Variants in KCNMA1 observed in about 807,000 individuals in gnomAD.
The protein encoded by KCNMA1 is potassium calcium-activated channel subfamily M alpha 1, also known as Calcium-activated potassium channel subunit alpha-1.
A neutral mutation model predicts 140.0 loss-of-function variants in KCNMA1; 29 were observed. That is an observed-to-expected ratio of 0.21 (90% CI 0.15 to 0.28). The LOEUF is 0.28. KCNMA1 is among the 10% of genes least tolerant of loss of function. KCNMA1 has a pLI of 1.00. For missense variants in KCNMA1, 880 were observed against 1,602.2 expected (o/e 0.55, Z 7.70); for synonymous variants, 612 against 611.9 (o/e 1.00, Z 0.00).
intron 14 of KCNMA1, chr10:77,063,891 T>C (rs1364067572): frequency 4.1e-6 from 4 of 985,344 alleles, no homozygotes; most frequent in Non-Finnish European, 3.6e-6. Context: ...AGACTGATGC[T>C]TGGCCAGAGG....
At chr10:77,136,527 A>G (rs1325466162) in intron 5 of KCNMA1, among the ~76,000 whole-genome samples, 1 of 152,132 alleles carries the variant, frequency 6.6e-6, no homozygotes, top group Non-Finnish European at 1.5e-5. Context: ...AAATAATTAA[A>G]ATGGTAAATT....
intron 1 of KCNMA1, among the ~76,000 whole-genome samples, chr10:77,422,338 T>G (rs767249109): frequency 6.6e-6 from 1 of 152,220 alleles, no homozygotes; most frequent in Non-Finnish European, 1.5e-5. Flanking sequence ...TTACATGCCT[T>G]ACATGTTTCT....
chr10:77,524,138 A>G (rs980073839), intron 1 of KCNMA1, among the ~76,000 whole-genome samples: 14 of 152,226 alleles, frequency 9.2e-5, no homozygotes, highest in African/African-American at 3.4e-4. Context: ...TGACTAAACA[A>G]TATTTCTCAC....
At chr10:76,970,261 C>A in intron 19 of KCNMA1, 194 bp from the exon 20 acceptor site, 3 of 571,730 alleles carry the variant, frequency 5.2e-6, no homozygotes, top group East Asian at 3.4e-5. Context: ...GGCAACACCT[C>A]TTTACACTCC....
chr10:77,439,149 A>AGAGAAGAGAAGAGAAGAGAAGAGAG (rs1555337767), intron 1 of KCNMA1, among the ~76,000 whole-genome samples: 14 of 85,272 alleles, frequency 1.6e-4, no homozygotes, highest in East Asian at 7.9e-4. Context: ...AGAGAAGAGA[A>AGAGAAGAGAAGAGAAGAGAAGAGAG]AAGAGAAGAG....
At chr10:77,535,813 C>T (rs187488101) in intron 1 of KCNMA1, among the ~76,000 whole-genome samples, 247 of 152,236 alleles carry the variant, frequency 1.6e-3, no homozygotes, top group African/African-American at 5.7e-3. Flanking sequence ...TATGACATGT[C>T]CTTACTCATG....
chr10:77,479,381 G>C (rs2098339700), intron 1 of KCNMA1, among the ~76,000 whole-genome samples: 1 of 152,100 alleles, frequency 6.6e-6, no homozygotes, highest in African/African-American at 2.4e-5. Flanking sequence ...CAGTGGGAGG[G>C]GGCAGGAGGT....
At chr10:77,034,078 C>T (rs924531940) in intron 15 of KCNMA1, among the ~76,000 whole-genome samples, 67 of 152,106 alleles carry the variant, frequency 4.4e-4, no homozygotes, top group African/African-American at 1.6e-3. Flanking sequence ...CCCGTATCTA[C>T]TAAAAATACA....
At chr10:77,565,057 C>T (rs546522286) in intron 1 of KCNMA1, among the ~76,000 whole-genome samples, 2 of 152,168 alleles carry the variant, frequency 1.3e-5, no homozygotes, top group Non-Finnish European at 2.9e-5. Context: ...TCGGCCAAAT[C>T]GCCCTCTGGG....
chr10:77,273,027 C>T (rs1325529027), intron 2 of KCNMA1, among the ~76,000 whole-genome samples: 1 of 152,192 alleles, frequency 6.6e-6, no homozygotes, highest in African/African-American at 2.4e-5. Flanking sequence ...TCAGAAGTTA[C>T]CAAGATACAT....
At chr10:77,138,769 G>A (rs2098107274) in intron 5 of KCNMA1, among the ~76,000 whole-genome samples, 1 of 152,196 alleles carries the variant, frequency 6.6e-6, no homozygotes, top group African/African-American at 2.4e-5. Flanking sequence ...CCTGCACACA[G>A]TGTCTCTGCT....
chr10:77,636,446 C>T (rs950550330), intron 1 of KCNMA1: 6 of 1,536,210 alleles, frequency 3.9e-6, no homozygotes, highest in Admixed American at 3.9e-5. Flanking sequence ...CGTAAAACCG[C>T]GGCCTCAGGC....
chr10:77,130,960 G>T (rs1393139050), intron 5 of KCNMA1, among the ~76,000 whole-genome samples: 3 of 152,024 alleles, frequency 2.0e-5, no homozygotes, highest in Non-Finnish European at 2.9e-5. Context: ...GAGGTTGATG[G>T]GGGGGTGGTT....
intron 3 of KCNMA1, among the ~76,000 whole-genome samples, chr10:77,207,643 G>C (rs1195716659): frequency 6.6e-6 from 1 of 152,192 alleles, no homozygotes; most frequent in Non-Finnish European, 1.5e-5. Flanking sequence ...TCCACTGAGT[G>C]AACGGCTGCT....
rs553941524 is a variant in KCNMA1, at chr10:77,433,439, C to T, written c.379-29416G>A. The T allele has an allele frequency of 2.0e-5, 3 of 152,338 alleles. No homozygotes were observed. The South Asian group carries it at 6.2e-4, about 32-fold the overall frequency. 9.4% of individuals were successfully genotyped at this position (152,338 alleles called of 1,614,324 possible). A position where few individuals can be genotyped will look rare whatever the true frequency, so the allele number is the denominator to read the frequency against. ...AAATTCTGGGATTACAGGCATGAGC[C>T]ACTGTGCCCAGCCTTAAGAAAAACT... On this transcript the variant is annotated intron_variant, in intron 1 of 27. Transcript: ENST00000286628.
chr10:77,132,193 A>G (rs967094143), intron 5 of KCNMA1, among the ~76,000 whole-genome samples: 2 of 152,146 alleles, frequency 1.3e-5, no homozygotes, highest in Non-Finnish European at 2.9e-5. Context: ...TCAACTAAAT[A>G]TCTTAGCAAT....
At chr10:77,203,923 C>T (rs2043215518) in intron 3 of KCNMA1, among the ~76,000 whole-genome samples, 1 of 151,800 alleles carries the variant, frequency 6.6e-6, no homozygotes, top group Non-Finnish European at 1.5e-5. Context: ...ATAGTGAAAC[C>T]TCATCTCTAA....
At chr10:77,497,029 G>C (rs1405052728) in intron 1 of KCNMA1, among the ~76,000 whole-genome samples, 1 of 152,194 alleles carries the variant, frequency 6.6e-6, no homozygotes, top group Non-Finnish European at 1.5e-5. Flanking sequence ...GCGAACAAAA[G>C]GACCAGTGTT....
chr10:77,177,362 G>T (rs1032446329), intron 5 of KCNMA1, among the ~76,000 whole-genome samples: 5 of 122,738 alleles, frequency 4.1e-5, no homozygotes, highest in South Asian at 2.6e-4. Flanking sequence ...TTCCTTCCTT[G>T]CTTCCTTTCT....
Sources: gnomAD v4.1 joint callset for allele counts (sites outside exome capture counted in the v4.1 genomes callset) on GRCh38, gnomAD v4.1.1 for gene constraint, MANE v1.5 for transcripts, NCBI Gene and HGNC (gene_info 2026-07-23, HGNC 2026-07-21) for gene names.